The following TP53I11 variants were observed in gnomAD, a reference collection of about 807,000 sequenced individuals.
TP53I11 encodes the protein tumor protein p53-inducible protein 11.
TP53I11 carries 9 observed loss-of-function variants against 23.3 expected under a neutral mutation model. That is an observed-to-expected ratio of 0.39 (90% CI 0.23 to 0.67). The LOEUF (loss-of-function observed/expected upper bound fraction) is 0.67. TP53I11 is among the 30% of genes least tolerant of loss of function. The pLI is 0.48. For missense variants in TP53I11, 170 were observed against 255.2 expected, an observed-to-expected ratio of 0.67 and a Z score of 2.27; for synonymous variants, 100 against 106.1, an observed-to-expected ratio of 0.94 and a Z score of 0.35.
In TP53I11 at chr11:44,934,344, G is replaced by C. The variant is rs1788539508; in HGVS notation, c.*540C>G. On this transcript the variant is annotated 3_prime_UTR_variant, in exon 7 of 7. Transcript: ENST00000525680. ...GTGTATGTGTGTGTGTTGTGTGTCT[G>C]TGTGTGTTTTCAGGGTGTGCATGTG... is the stretch of plus-strand genomic sequence containing the variant. The C allele has an allele frequency of 5.9e-6, 1 of 170,522 alleles. No individual in the cohort carries two copies. The highest frequency in any genetic ancestry group is 1.3e-5 in the Non-Finnish European group (1 of 77,550). 10.6% of individuals were successfully genotyped at this position (170,522 alleles called of 1,614,324 possible). A position where few individuals can be genotyped will look rare whatever the true frequency, so the allele number is the denominator to read the frequency against.
At chr11:44,938,060 C>G in intron 2 of TP53I11, 147 bp downstream of exon 2, 11 of 1,190,756 alleles carry the variant, frequency 9.2e-6, no homozygotes, top group Non-Finnish European at 1.2e-5. Flanking sequence ...TCTCGTTATT[C>G]CCCTGGCATT....
chr11:44,936,876 G>A lies in TP53I11; in HGVS notation c.261C>T (p.Leu87=), dbSNP rs780104014. 6.2e-7 allele frequency: 1 copy of A among 1,608,860 alleles called. No homozygotes were observed. Among genetic ancestry groups the A allele is most frequent in the Non-Finnish European group, 8.5e-7 (1 of 1,178,316 alleles). Residue 87 remains leucine, a synonymous_variant, in exon 5 of 7, where the codon CTC becomes CTT. Transcript: ENST00000525680. This position sits in a 1 kb window ranked among gnomAD's most constrained non-coding sequence, Gnocchi z 4.4. Reference sequence around the variant, plus strand: ...GGGCTCCATCAAAGACCGCATCATAGAGCTGGTCAGGGAAGGCAAGCGCCT... The same window carrying A: ...GGGCTCCATCAAAGACCGCATCATAAAGCTGGTCAGGGAAGGCAAGCGCCT... ...AIMALAFPDQ[L]YDAVFDGAQV...
chr11:44,938,125 G>A, intron 2 of TP53I11, 82 bp downstream of exon 2: 1 of 1,478,902 alleles, frequency 6.8e-7, no homozygotes. Context: ...CGGCTACCTG[G>A]GCCTGGGCTA....
At chr11:44,945,675 G>C (rs73456465) in intron 1 of TP53I11, among the ~76,000 whole-genome samples, 1 of 152,096 alleles carries the variant, frequency 6.6e-6, no homozygotes, top group Non-Finnish European at 1.5e-5. Context: ...CCATTGTTCT[G>C]TTATCGCTTT....
chr11:44,937,349 G>A lies in TP53I11; in HGVS notation c.192C>T (p.Val64=). 6.8e-7 allele frequency: 1 copy of A among 1,478,766 alleles called. No individual in the cohort carries two copies. The highest frequency in any genetic ancestry group is 1.4e-5 in the African/African-American group (1 of 70,638). 91.6% of individuals were successfully genotyped at this position (1,478,766 alleles called of 1,614,324 possible). The change falls in exon 4 of 7, where the codon GTC becomes GTT. Residue 64 remains valine, a synonymous_variant. Transcript: ENST00000525680. ...AGAGCACAGCAGAGACGAACTGCCA[G>A]ACCCTGGGAGGCGTGGAAAGAAGAT... ...FTIREPLGLR[V]WQFVSAVLFS... is the part of the protein sequence containing the mutation.
rs753499412 is a variant in TP53I11, at chr11:44,938,375, A to G, written c.-31-9T>C. 26 of 1,530,032 alleles carry G rather than the reference A, an allele frequency of 1.7e-5. No individual in the cohort carries two copies. The Admixed American group carries it at 3.8e-4, about 22-fold the overall frequency. The allele number at this position is 1,530,032 out of a possible 1,614,324, so 94.8% of individuals were successfully genotyped here. ...CGGCCTCTGCAGAAGGGCTGAGGGG[A>G]GACACCGGCCTCAGGCCACAGTTCC... On this transcript the variant is annotated splice_polypyrimidine_tract_variant and intron_variant, in intron 1 of 6. Coordinates refer to ENST00000525680, the MANE Select transcript of TP53I11 (RefSeq NM_006034.5).
chr11:44,939,725 G>A (rs571209355), intron 1 of TP53I11, among the ~76,000 whole-genome samples: 3 of 59,560 alleles, frequency 5.0e-5, no homozygotes, highest in Non-Finnish European at 1.3e-4. Flanking sequence ...ATACCATGTC[G>A]CATTGGGAAA....
chr11:44,950,401 T>C (rs1862832152), intron 1 of TP53I11, among the ~76,000 whole-genome samples: 1 of 151,144 alleles, frequency 6.6e-6, no homozygotes, highest in South Asian at 2.1e-4. Context: ...GGAAACCGAG[T>C]CAGAGGGAGG....
chr11:44,946,940 C>T (rs1442753441), intron 1 of TP53I11: 1 of 448,236 alleles, frequency 2.2e-6, no homozygotes, highest in Non-Finnish European at 4.5e-6. Flanking sequence ...CCTACTCTTT[C>T]TTTTTGAAGG....
chr11:44,935,682 G>T lies in TP53I11; in HGVS notation c.335-20C>A. The T allele has an allele frequency of 1.4e-6, 2 of 1,422,230 alleles. No individual in the cohort carries two copies. Among genetic ancestry groups the T allele is most frequent in the Non-Finnish European group, 2.0e-6 (2 of 1,016,796 alleles). The allele number at this position is 1,422,230 out of a possible 1,614,324, so 88.1% of individuals were successfully genotyped here. A position where few individuals can be genotyped will look rare whatever the true frequency, so the allele number is the denominator to read the frequency against. ...AGATGCCTGGGGCGGGGGATGAAAA[G>T]GGGGCTGGGGGTGGGACAGCTGACT... On this transcript the variant is annotated intron_variant, in intron 5 of 6. Coordinates refer to ENST00000525680, the MANE Select transcript of TP53I11 (RefSeq NM_006034.5).
intron 1 of TP53I11, chr11:44,943,275 G>GT (rs112538688): frequency 7.9e-5 from 12 of 152,396 alleles, no homozygotes; most frequent in African/African-American, 2.6e-4. Flanking sequence ...GCCGTGCACA[G>GT]TGGAAAAAGC....
chr11:44,935,702 C>G, intron 5 of TP53I11, 40 bp from the exon 6 acceptor site: 1 of 1,365,706 alleles, frequency 7.3e-7, no homozygotes, highest in Non-Finnish European at 1.0e-6. Context: ...GGTGGGACAG[C>G]TGACTCCCTC....
rs76270252 is a variant in TP53I11 at position 44,933,307 on chromosome 11, ACCCCTGGCAGGGGCC to A, written c.*1562_*1576del. ...AGGCACAGGGTGGACAGGGGTGAGG[ACCCCTGGCAGGGGCC>A]CACCTGGCAGCAGCCAGAGCGGGCT... is the stretch of plus-strand genomic sequence containing the variant. On this transcript the variant is annotated 3_prime_UTR_variant, in exon 7 of 7. Transcript: ENST00000525680. 5,295 of 152,248 alleles carry A rather than the reference ACCCCTGGCAGGGGCC, an allele frequency of 0.035. 138 individuals are homozygous for A. The highest frequency in any genetic ancestry group is 0.053 in the Non-Finnish European group (3,637 of 68,128). The allele number at this position is 152,248 out of a possible 1,614,324, so 9.4% of individuals were successfully genotyped here. A position where few individuals can be genotyped will look rare whatever the true frequency, so the allele number is the denominator to read the frequency against.
At chr11:44,945,510 T>A (rs1323111501) in intron 1 of TP53I11, among the ~76,000 whole-genome samples, 6 of 151,834 alleles carry the variant, frequency 4.0e-5, no homozygotes, top group Non-Finnish European at 7.4e-5. Context: ...GGGCGTTTGG[T>A]GGACGTGAAC....
chr11:44,938,829 C>A (rs1861455307), intron 1 of TP53I11, among the ~76,000 whole-genome samples: 1 of 152,154 alleles, frequency 6.6e-6, no homozygotes, highest in Admixed American at 6.5e-5. Flanking sequence ...TCTGCCCAAT[C>A]CTGCAAGCCG....
rs773592309 is a variant in TP53I11, at chr11:44,935,521, C to T, written c.436+40G>A. ...TAGAGCAGGCAGGTCAGGGGCGAAG[C>T]GGCCCATCAGCCTCCCTCACTGCCC... On this transcript the variant is annotated intron_variant, in intron 6 of 6. Transcript: ENST00000525680. 108 of 1,581,142 alleles carry T rather than the reference C, an allele frequency of 6.8e-5. 1 individual carries two copies. The highest frequency in any genetic ancestry group is 7.2e-5 in the Non-Finnish European group (83 of 1,150,434).
At chr11:44,942,936 T>C (rs1554949783) in intron 1 of TP53I11, among the ~76,000 whole-genome samples, 5 of 152,126 alleles carry the variant, frequency 3.3e-5, no homozygotes, top group Non-Finnish European at 7.4e-5. Context: ...TGACCTTTCC[T>C]CCCCTTCAGG....
chr11:44,947,201 C>A, intron 1 of TP53I11: 1 of 448,412 alleles, frequency 2.2e-6, no homozygotes, highest in Non-Finnish European at 4.5e-6. Flanking sequence ...TTTCCTGTCT[C>A]GACGGTCATT....
chr11:44,949,330 G>C (rs1246167895), intron 1 of TP53I11, among the ~76,000 whole-genome samples: 1 of 152,170 alleles, frequency 6.6e-6, no homozygotes, highest in South Asian at 2.1e-4. Flanking sequence ...GGAGGTCCAA[G>C]GGACCACATA....
Sources: gnomAD v4.1 joint callset for allele counts (sites outside exome capture counted in the v4.1 genomes callset) on GRCh38, gnomAD v4.1.1 for gene constraint, Gnocchi (gnomAD v3.1) non-coding constraint, MANE v1.5 for transcripts, NCBI Gene and HGNC (gene_info 2026-07-23, HGNC 2026-07-21) for gene names.